ARB2A: variants seen among roughly 807,000 people sequenced by gnomAD.
The protein encoded by ARB2A is cotranscriptional regulator ARB2A.
the ARB2A span, among the ~76,000 whole-genome samples, chr5:93,640,632 G>A: frequency 1.5e-3 from 229 of 150,088 alleles, 2 homozygotes; most frequent in African/African-American, 5.4e-3. Context: ...ACATATGTGT[G>A]TGTATATATA....
the ARB2A span, among the ~76,000 whole-genome samples, chr5:93,662,067 C>T: frequency 2.6e-5 from 4 of 152,068 alleles, no homozygotes; most frequent in South Asian, 2.1e-4. Flanking sequence ...TTTTCAATGG[C>T]GTTCTAATCA....
At chr5:93,986,947 T>C in the ARB2A span, among the ~76,000 whole-genome samples, 1 of 151,728 alleles carries the variant, frequency 6.6e-6, no homozygotes, top group Non-Finnish European at 1.5e-5. Context: ...GCTGACCTTC[T>C]CTCCACTATT....
chr5:94,083,190 G>A, the ARB2A span, among the ~76,000 whole-genome samples: 1 of 152,136 alleles, frequency 6.6e-6, no homozygotes, highest in Non-Finnish European at 1.5e-5. Flanking sequence ...TTAGACCTAT[G>A]CTTAAACACA....
the ARB2A span, among the ~76,000 whole-genome samples, chr5:94,020,892 A>G: frequency 6.6e-6 from 1 of 152,126 alleles, no homozygotes; most frequent in Non-Finnish European, 1.5e-5. Context: ...GATTTTAGAC[A>G]AGGAAATTTC....
At chr5:93,903,762 G>A in the ARB2A span, among the ~76,000 whole-genome samples, 1 of 150,388 alleles carries the variant, frequency 6.6e-6, no homozygotes, top group Non-Finnish European at 1.5e-5. Context: ...TAGCCACATA[G>A]CAGATAGTCC....
At chr5:93,729,029 T>TA in the ARB2A span, among the ~76,000 whole-genome samples, 10 of 152,130 alleles carry the variant, frequency 6.6e-5, no homozygotes, top group African/African-American at 9.7e-5. Flanking sequence ...AGTAACAAAT[T>TA]ACAGTCCAGA....
chr5:93,870,426 T>A, the ARB2A span, among the ~76,000 whole-genome samples: 1 of 152,266 alleles, frequency 6.6e-6, no homozygotes, highest in Non-Finnish European at 1.5e-5. Flanking sequence ...GGTTTCTATT[T>A]TTATAAATAA....
At chr5:93,956,116 G>A in the ARB2A span, among the ~76,000 whole-genome samples, 5 of 152,096 alleles carry the variant, frequency 3.3e-5, no homozygotes, top group East Asian at 9.6e-4. Flanking sequence ...GCACTTGTGG[G>A]GATTTATCTG....
At chr5:93,798,945 G>A in the ARB2A span, among the ~76,000 whole-genome samples, 1 of 152,088 alleles carries the variant, frequency 6.6e-6, no homozygotes, top group East Asian at 1.9e-4. Context: ...TAATTCCATG[G>A]ACTGAATGGC....
At chr5:93,994,430 G>C in the ARB2A span, among the ~76,000 whole-genome samples, 1 of 152,226 alleles carries the variant, frequency 6.6e-6, no homozygotes, top group South Asian at 2.1e-4. Context: ...GACAAATACT[G>C]TATGATTTCA....
chr5:93,954,226 T>G, the ARB2A span, among the ~76,000 whole-genome samples: 2 of 152,128 alleles, frequency 1.3e-5, no homozygotes, highest in Non-Finnish European at 2.9e-5. Flanking sequence ...CAGCTGGGAA[T>G]GTACTGGCTC....
At chr5:93,955,685 A>T in the ARB2A span, among the ~76,000 whole-genome samples, 2 of 152,258 alleles carry the variant, frequency 1.3e-5, no homozygotes, top group East Asian at 3.9e-4. Flanking sequence ...TTTCACAAAT[A>T]TAACTGCCAT....
the ARB2A span, among the ~76,000 whole-genome samples, chr5:93,695,271 A>T: frequency 2.0e-5 from 3 of 152,176 alleles, no homozygotes; most frequent in African/African-American, 7.2e-5. Flanking sequence ...AATGGGAGAA[A>T]ATTTTTGCAA....
At chr5:93,751,469 A>C in the ARB2A span, among the ~76,000 whole-genome samples, 3 of 152,162 alleles carry the variant, frequency 2.0e-5, no homozygotes, top group African/African-American at 7.2e-5. Flanking sequence ...CATTAATCCA[A>C]ACAAATTATC....
At chr5:93,732,722 C>G in the ARB2A span, among the ~76,000 whole-genome samples, 1 of 152,006 alleles carries the variant, frequency 6.6e-6, no homozygotes, top group African/African-American at 2.4e-5. Context: ...GTCACATTTA[C>G]TCTTTTAAAT....
chr5:93,838,573 T>C, the ARB2A span, among the ~76,000 whole-genome samples: 2 of 152,148 alleles, frequency 1.3e-5, no homozygotes, highest in Non-Finnish European at 2.9e-5. Flanking sequence ...TTTCTAATTC[T>C]GTGAAGAATC....
the ARB2A span, among the ~76,000 whole-genome samples, chr5:93,949,882 G>T: frequency 6.6e-6 from 1 of 151,956 alleles, no homozygotes; most frequent in Non-Finnish European, 1.5e-5. Context: ...ATTTATTTGA[G>T]AATTTATTCT....
the ARB2A span, among the ~76,000 whole-genome samples, chr5:93,839,535 T>A: frequency 6.6e-6 from 1 of 152,312 alleles, no homozygotes; most frequent in South Asian, 2.1e-4. Context: ...GCTGGCCTTA[T>A]AGAATGGGTT....
chr5:93,774,395 T>C, the ARB2A span, among the ~76,000 whole-genome samples: 1 of 152,192 alleles, frequency 6.6e-6, no homozygotes, highest in Non-Finnish European at 1.5e-5. Context: ...TGGGCTGAAA[T>C]TTAGGCTTCT....
Sources: gnomAD v4.1 joint callset for allele counts (sites outside exome capture counted in the v4.1 genomes callset) on GRCh38, gnomAD v4.1.1 for gene constraint, MANE v1.5 for transcripts, NCBI Gene and HGNC (gene_info 2026-07-23, HGNC 2026-07-21) for gene names.